The following CLEC2A variants were observed in gnomAD, a reference collection of about 807,000 sequenced individuals.
CLEC2A encodes the protein keratinocyte-associated C-type lectin.
CLEC2A carries 19 observed loss-of-function variants against 18.6 expected under a neutral mutation model. That is an observed-to-expected ratio of 1.02 (90% CI 0.71 to 1.50). The LOEUF (loss-of-function observed/expected upper bound fraction) is 1.50, where lower values mean the gene tolerates loss of function less well. Ranked by LOEUF, CLEC2A falls within the 40% of genes most tolerant of loss-of-function variation. CLEC2A has a pLI of 0.00. For missense variants in CLEC2A, 190 were observed against 207.9 expected, an observed-to-expected ratio of 0.91 and a Z score of 0.53; for synonymous variants, 74 against 64.0, an observed-to-expected ratio of 1.16 and a Z score of -0.75.
At chr12:9,914,007 T>C (rs1349712139) in intron 4 of CLEC2A, among the ~76,000 whole-genome samples, 2 of 152,232 alleles carry the variant, frequency 1.3e-5, no homozygotes, top group African/African-American at 2.4e-5. Flanking sequence ...TCCTTTCTTC[T>C]TTCTTTCCTT....
At chr12:9,884,640 A>G in the CLEC2A span, among the ~76,000 whole-genome samples, 4 of 148,998 alleles carry the variant, frequency 2.7e-5, no homozygotes, top group African/African-American at 9.8e-5. Flanking sequence ...TATTTATATC[A>G]TATATAATAT....
the CLEC2A span, among the ~76,000 whole-genome samples, chr12:9,880,520 A>ATGTGTGTG: frequency 2.4e-4 from 36 of 147,308 alleles, no homozygotes; most frequent in Middle Eastern, 6.9e-3. Flanking sequence ...AACCATTAGC[A>ATGTGTGTG]TGTGTGTGTG....
At chr12:9,911,726 T>C (rs969020566), downstream of CLEC2A, among the ~76,000 whole-genome samples, 1 of 152,230 alleles carries the variant, frequency 6.6e-6, no homozygotes, top group Non-Finnish European at 1.5e-5. Context: ...TAGAGCTCTT[T>C]TTGTAAACAT....
intron 2 of CLEC2A, among the ~76,000 whole-genome samples, chr12:9,924,253 A>G (rs1180106358): frequency 6.6e-6 from 1 of 151,676 alleles, no homozygotes; most frequent in African/African-American, 2.4e-5. Context: ...CTGGCCACAT[A>G]AATGTCTTCT....
At chr12:9,893,905 A>C (rs1012534597), downstream of CLEC2A, among the ~76,000 whole-genome samples, 1 of 152,170 alleles carries the variant, frequency 6.6e-6, no homozygotes, top group Admixed American at 6.5e-5. Context: ...GACAAAATTC[A>C]CCTATAAATA....
the CLEC2A span, among the ~76,000 whole-genome samples, chr12:9,884,709 A>C: frequency 6.6e-6 from 1 of 150,902 alleles, no homozygotes; most frequent in Non-Finnish European, 1.5e-5. Context: ...CCTCAAAAAC[A>C]CCACCAAATA....
At chr12:9,903,778 G>T (rs538687226) in intron 4 of CLEC2A, among the ~76,000 whole-genome samples, 1 of 152,268 alleles carries the variant, frequency 6.6e-6, no homozygotes, top group East Asian at 1.9e-4. Flanking sequence ...CACCAGAATA[G>T]TAGGGACTCA....
Position 9,921,072 on chromosome 12 carries a change from G to A in CLEC2A, c.306+994C>T, listed in dbSNP as rs139045181. ...ACAACTTATGGCTGTGTCATTGGCT[G>A]GGTTACATAACATTTCTGTGACTGA... On this transcript the variant is annotated intron_variant, in intron 3 of 4. Coordinates refer to ENST00000455827, the MANE Select transcript of CLEC2A (RefSeq NM_001130711.2). 4.6e-3 allele frequency among the ~76,000 whole-genome samples: 696 copies of A among 152,270 alleles called. 3 individuals carry two copies. Among genetic ancestry groups the A allele is most frequent in the Admixed American group, 9.6e-3 (147 of 15,294 alleles).
chr12:9,928,398 G>A (rs979028232), intron 1 of CLEC2A, among the ~76,000 whole-genome samples: 6 of 152,020 alleles, frequency 3.9e-5, no homozygotes, highest in Non-Finnish European at 7.4e-5. Flanking sequence ...CCCAGGAGGC[G>A]GAGGCTGCAG....
intron 4 of CLEC2A, among the ~76,000 whole-genome samples, chr12:9,901,920 T>A (rs1387598804): frequency 6.7e-6 from 1 of 150,010 alleles, no homozygotes; most frequent in Non-Finnish European, 1.5e-5. Context: ...ATAATATCCT[T>A]CTTGAATGTG....
In CLEC2A at chr12:9,916,696, T is replaced by G; in HGVS notation, c.410+4A>C. On this transcript the variant is annotated splice_donor_region_variant and intron_variant, in intron 4 of 4. Coordinates refer to ENST00000455827, the MANE Select transcript of CLEC2A (RefSeq NM_001130711.2). ...AGAACATTGCTAATACATTGGAAAC[T>G]CACCAACCATTGAATGTGGTGCCAT... The G allele has an allele frequency of 1.3e-6, 2 of 1,517,640 alleles. No individual in the cohort carries two copies. Among genetic ancestry groups the G allele is most frequent in the Middle Eastern group, 1.7e-4 (1 of 5,912 alleles). 94.0% of individuals were successfully genotyped at this position (1,517,640 alleles called of 1,614,324 possible).
chr12:9,884,891 A>C, the CLEC2A span: 1 of 621,612 alleles, frequency 1.6e-6, no homozygotes, highest in South Asian at 3.0e-5. Context: ...AAAAATATTT[A>C]TAAAGTGAAT....
intron 3 of CLEC2A, 65 bp from the exon 4 acceptor site, chr12:9,916,868 C>T (rs1416396765): frequency 1.1e-6 from 1 of 916,714 alleles, no homozygotes; most frequent in Admixed American, 2.1e-5. Context: ...GAACATGCTT[C>T]CCACCCCAAT....
intron 3 of CLEC2A, among the ~76,000 whole-genome samples, chr12:9,920,537 C>A (rs1261295793): frequency 6.6e-6 from 1 of 152,184 alleles, no homozygotes; most frequent in Admixed American, 6.5e-5. Flanking sequence ...GGTTGGCCAT[C>A]GACCTGCCTT....
downstream of CLEC2A, among the ~76,000 whole-genome samples, chr12:9,911,499 T>C (rs927423137): frequency 4.6e-5 from 7 of 152,184 alleles, no homozygotes; most frequent in East Asian, 9.6e-4. Context: ...ACCCCAAAAG[T>C]AGTTTATAAC....
intron 2 of CLEC2A, 110 bp downstream of exon 2, chr12:9,926,150 T>C: frequency 4.7e-6 from 3 of 632,324 alleles, no homozygotes; most frequent in Non-Finnish European, 8.0e-6. Context: ...CAAGTGTCTA[T>C]AAAACCCTTT....
chr12:9,910,199 T>C (rs1862963238), downstream of CLEC2A, among the ~76,000 whole-genome samples: 1 of 152,218 alleles, frequency 6.6e-6, no homozygotes. Flanking sequence ...CATTTGCTGC[T>C]TTCTTTTATG....
the CLEC2A span, among the ~76,000 whole-genome samples, chr12:9,890,358 G>A: frequency 2.0e-5 from 3 of 152,340 alleles, no homozygotes; most frequent in East Asian, 5.8e-4. Context: ...CACAGGCAAT[G>A]CAGTGTAGAT....
At chr12:9,901,914 T>C (rs1862833988) in intron 4 of CLEC2A, among the ~76,000 whole-genome samples, 1 of 152,218 alleles carries the variant, frequency 6.6e-6, no homozygotes. Context: ...AATCATATAA[T>C]ATCCTTCTTG....
Sources: gnomAD v4.1 joint callset for allele counts (sites outside exome capture counted in the v4.1 genomes callset) on GRCh38, gnomAD v4.1.1 for gene constraint, MANE v1.5 for transcripts, NCBI Gene and HGNC (gene_info 2026-07-23, HGNC 2026-07-21) for gene names.